Variants in IER2 observed in about 807,000 individuals in gnomAD.
The protein encoded by IER2 is immediate early response 2, also known as immediate early response gene 2 protein.
For synonymous variants in IER2, 198 were observed against 149.6 expected, an observed-to-expected ratio of 1.32 and a Z score of -2.36; for missense variants, 372 against 325.4, an observed-to-expected ratio of 1.14 and a Z score of -1.10.
In IER2 at chr19:13,150,919, G is replaced by T. The variant is rs2020047752; in HGVS notation, c.-244+367G>T. Among the ~76,000 whole-genome samples, 1 of 152,148 alleles carries T rather than the reference G, an allele frequency of 6.6e-6. No individual in the cohort carries two copies. Among genetic ancestry groups the T allele is most frequent in the Non-Finnish European group, 1.5e-5 (1 of 68,020 alleles). On this transcript the variant is annotated intron_variant, in intron 1 of 1. Transcript: ENST00000292433. This position sits in a 1 kb window ranked among gnomAD's most constrained non-coding sequence, Gnocchi z 4.0. ...GTCACCTTTGAGAAAGTGCGTGGAG[G>T]TGGGTTTCTTCAGAAGCGCGGAGTC...
rs1322072074 is a variant in IER2, at chr19:13,154,436, G to A, written c.*578G>A. ...CCTTGCGTGGGTGTGGGGCCTGGGAGGAGGTCCTGGGGCGTGCACCCGCCC... is the reference window on the plus strand; with the variant it reads ...CCTTGCGTGGGTGTGGGGCCTGGGAAGAGGTCCTGGGGCGTGCACCCGCCC... On this transcript the variant is annotated 3_prime_UTR_variant, in exon 2 of 2. Coordinates refer to ENST00000292433, the MANE Select transcript of IER2 (RefSeq NM_004907.3). 1 of 167,566 alleles carries A rather than the reference G, an allele frequency of 6.0e-6. No individual in the cohort carries two copies. Among genetic ancestry groups the A allele is most frequent in the Non-Finnish European group, 1.5e-5 (1 of 68,360 alleles). 10.4% of individuals were successfully genotyped at this position (167,566 alleles called of 1,614,324 possible).
At position 13,154,696 on chromosome 19, in the gene IER2, A is replaced by AG. The variant is rs1200582098; in HGVS notation, c.*842dup. 1 of 166,812 alleles carries AG rather than the reference A, an allele frequency of 6.0e-6. No homozygotes were observed. The highest frequency in any genetic ancestry group is 2.4e-5 in the African/African-American group (1 of 41,300). 10.3% of individuals were successfully genotyped at this position (166,812 alleles called of 1,614,324 possible). Reference sequence around the variant, plus strand: ...CCTGGTCTGAATCACGAGAATGTGGAGGGGTGGGGGGTGTCAGTGGAAAGG... The same window carrying AG: ...CCTGGTCTGAATCACGAGAATGTGGAGGGGGTGGGGGGTGTCAGTGGAAAGG... On this transcript the variant is annotated 3_prime_UTR_variant, in exon 2 of 2. Coordinates refer to ENST00000292433, the MANE Select transcript of IER2 (RefSeq NM_004907.3).
Position 13,153,303 on chromosome 19 carries a change from C to T in IER2, c.117C>T (p.Val39=). Residue 39 remains valine, a synonymous_variant, in exon 2 of 2, where the codon GTC becomes GTT. Transcript: ENST00000292433. ...RLHRSLQLSL[V]MRSARELYLS... ...ACCGGAGTCTGCAGCTGTCGCTGGT[C>T]ATGCGCAGCGCCCGGGAGCTCTACC... 6.2e-7 allele frequency: 1 copy of T among 1,604,618 alleles called. No homozygotes were observed. The highest frequency in any genetic ancestry group is 8.5e-7 in the Non-Finnish European group (1 of 1,176,170).
chr19:13,152,225 CA>C (rs1379769253), intron 1 of IER2: 1 of 152,218 alleles, frequency 6.6e-6, no homozygotes, highest in Non-Finnish European at 1.5e-5. Context: ...GGGCGGCAGC[CA>C]CGTGTTCACG....
chr19:13,153,376 G>T lies in IER2; in HGVS notation c.190G>T (p.Ala64Ser), dbSNP rs374941988. 8.2e-6 allele frequency: 13 copies of T among 1,588,400 alleles called. No individual in the cohort carries two copies. The highest frequency in any genetic ancestry group is 5.2e-5 in the Admixed American group (3 of 57,216). ...CGAGCCCGAGGTGTCGTTGCCGGCC[G>T]CCCTCCCCTCTGACCCTCGCCTGCA... ...ALEPEVSLPAALPSDPRLHPP... is the reference protein window; with the variant it reads ...ALEPEVSLPASLPSDPRLHPP... Residue 64 changes from alanine (A) to serine (S), a missense_variant, in exon 2 of 2, where the codon GCC (alanine) becomes TCC (serine). Physicochemically the swap from Ala to Ser is moderately conservative, Grantham distance 99. Transcript: ENST00000292433.
chr19:13,152,901 G>C (rs750453910), intron 1 of IER2, 43 bp from the exon 2 acceptor site: 18 of 249,746 alleles, frequency 7.2e-5, no homozygotes, highest in Admixed American at 1.1e-4. Context: ...CAGGGTTCCC[G>C]TCCCCTTTCC....
Position 13,154,612 on chromosome 19 carries a change from G to T in IER2, c.*754G>T, listed in dbSNP as rs2020107492. ...CATCTGCATTAGAGGTGCCCAGTAGGTTCCCAGGTTCCAGCGTGCCCCTCC... is the reference window on the plus strand; with the variant it reads ...CATCTGCATTAGAGGTGCCCAGTAGTTTCCCAGGTTCCAGCGTGCCCCTCC... On this transcript the variant is annotated 3_prime_UTR_variant, in exon 2 of 2. Transcript: ENST00000292433. The T allele has an allele frequency of 6.0e-6, 1 of 167,222 alleles. No homozygotes were observed. The highest frequency in any genetic ancestry group is 2.0e-4 in the South Asian group (1 of 4,884). 10.4% of individuals were successfully genotyped at this position (167,222 alleles called of 1,614,324 possible).
At position 13,153,336 on chromosome 19, in the gene IER2, C is replaced by G. The variant is rs770986500; in HGVS notation, c.150C>G (p.Ala50=). ...GCGCCCGGGAGCTCTACCTCTCGGC[C>G]AAGGTGGAGGCCCTCGAGCCCGAGG... The part of the protein sequence containing the change: ...MRSARELYLS[A]KVEALEPEVS... The change falls in exon 2 of 2, where the codon GCC becomes GCG. Residue 50 remains alanine, a synonymous_variant. Coordinates refer to ENST00000292433, the MANE Select transcript of IER2 (RefSeq NM_004907.3). 2.5e-6 allele frequency: 4 copies of G among 1,602,992 alleles called. No homozygotes were observed. Among genetic ancestry groups the G allele is most frequent in the East Asian group, 2.3e-5 (1 of 44,294 alleles).
At chr19:13,151,805 C>CA (rs1245560898) in intron 1 of IER2, among the ~76,000 whole-genome samples, 2 of 127,480 alleles carry the variant, frequency 1.6e-5, no homozygotes, top group Admixed American at 8.5e-5. Context: ...CTCCGCGCCC[C>CA]CCCCCCGGAA....
chr19:13,153,355 C>T lies in IER2; in HGVS notation c.169C>T (p.Pro57Ser). 1 of 1,596,590 alleles carries T rather than the reference C, an allele frequency of 6.3e-7. No homozygotes were observed. The highest frequency in any genetic ancestry group is 8.5e-7 in the Non-Finnish European group (1 of 1,172,854). ...CTCGGCCAAGGTGGAGGCCCTCGAG[C>T]CCGAGGTGTCGTTGCCGGCCGCCCT... is the stretch of plus-strand genomic sequence containing the variant. ...YLSAKVEALE[P>S]EVSLPAALPS... Residue 57 changes from proline (P) to serine (S), a missense_variant, in exon 2 of 2, where the codon CCC (proline) becomes TCC (serine). Transcript: ENST00000292433.
chr19:13,151,800 C>CG (rs2020064557), intron 1 of IER2, among the ~76,000 whole-genome samples: 1 of 39,708 alleles, frequency 2.5e-5, no homozygotes, highest in South Asian at 1.1e-3. Context: ...CGCCCCTCCG[C>CG]GCCCCCCCCC....
In IER2 at chr19:13,153,642, G is replaced by A; in HGVS notation, c.456G>A (p.Ala152=). Residue 152 remains alanine, a synonymous_variant, in exon 2 of 2, where the codon GCG becomes GCA. Coordinates refer to ENST00000292433, the MANE Select transcript of IER2 (RefSeq NM_004907.3). The part of the protein sequence containing the change: ...RLEEKEEEEG[A]SSEVADRLQP... ...AAGAAAAGGAAGAAGAGGAGGGAGCGTCATCCGAAGTCGCCGATCGCCTGC... is the reference window on the plus strand; with the variant it reads ...AAGAAAAGGAAGAAGAGGAGGGAGCATCATCCGAAGTCGCCGATCGCCTGC... 3 of 1,613,036 alleles carry A rather than the reference G, an allele frequency of 1.9e-6. No individual in the cohort carries two copies. Among genetic ancestry groups the A allele is most frequent in the South Asian group, 1.1e-5 (1 of 91,066 alleles).
Position 13,153,402 on chromosome 19 carries a change from C to G in IER2, c.216C>G (p.His72Gln), listed in dbSNP as rs942005396. The G allele has an allele frequency of 3.1e-6, 5 of 1,591,360 alleles. No individual in the cohort carries two copies. Among genetic ancestry groups the G allele is most frequent in the Non-Finnish European group, 4.3e-6 (5 of 1,171,812 alleles). The part of the protein sequence containing the change: ...PAALPSDPRL[H>Q]PPREAESTAE... The stretch of plus-strand genomic sequence containing the variant: ...CCCTCCCCTCTGACCCTCGCCTGCA[C>G]CCGCCCCGAGAAGCCGAGTCCACGG... Residue 72 changes from histidine to glutamine, a missense_variant, in exon 2 of 2, where the codon CAC (histidine) becomes CAG (glutamine). Physicochemically the swap from His to Gln is conservative, Grantham distance 24 (BLOSUM62 0). Coordinates refer to ENST00000292433, the MANE Select transcript of IER2 (RefSeq NM_004907.3).
At chr19:13,152,217 G>A (rs1391201918) in intron 1 of IER2, 12 of 152,238 alleles carry the variant, frequency 7.9e-5, no homozygotes, top group Non-Finnish European at 2.9e-5. Flanking sequence ...TGTTTGGGGG[G>A]CGGCAGCCAC....
Position 13,153,469 on chromosome 19 carries a change from C to A in IER2, c.283C>A (p.Pro95Thr). ...TPDGEHPFPE[P>T]MDTQEAPTAE... ...CGACGGTGAGCACCCGTTTCCGGAG[C>A]CAATGGACACGCAGGAGGCGCCGAC... The change falls in exon 2 of 2, where the codon CCA (proline) becomes ACA (threonine). Residue 95 changes from proline (P) to threonine (T), a missense_variant. Physicochemically the swap from Pro to Thr is conservative, Grantham distance 38 (BLOSUM62 -1). Coordinates refer to ENST00000292433, the MANE Select transcript of IER2 (RefSeq NM_004907.3). 1 of 1,594,200 alleles carries A rather than the reference C, an allele frequency of 6.3e-7. No individual in the cohort carries two copies. The highest frequency in any genetic ancestry group is 8.5e-7 in the Non-Finnish European group (1 of 1,171,734).
chr19:13,151,507 G>A (rs2020058141), intron 1 of IER2, among the ~76,000 whole-genome samples: 1 of 151,708 alleles, frequency 6.6e-6, no homozygotes, highest in African/African-American at 2.4e-5. Flanking sequence ...TAATTGGGAA[G>A]AGGAGAGATG....
In IER2 at chr19:13,153,462, T is replaced by A. The variant is rs1175842726; in HGVS notation, c.276T>A (p.Phe92Leu). 1 of 1,595,242 alleles carries A rather than the reference T, an allele frequency of 6.3e-7. No individual in the cohort carries two copies. Among genetic ancestry groups the A allele is most frequent in the African/African-American group, 1.3e-5 (1 of 74,384 alleles). Residue 92 changes from phenylalanine to leucine, a missense_variant, in exon 2 of 2, where the codon TTT (phenylalanine) becomes TTA (leucine). Phe to Leu is a conservative substitution (Grantham distance 22). Coordinates refer to ENST00000292433, the MANE Select transcript of IER2 (RefSeq NM_004907.3). ...CGACCCCCGACGGTGAGCACCCGTT[T>A]CCGGAGCCAATGGACACGCAGGAGG... Reference protein sequence around the residue: ...ETATPDGEHPFPEPMDTQEAP... With the variant: ...ETATPDGEHPLPEPMDTQEAP...
At chr19:13,152,799 C>T (rs967562427) in intron 1 of IER2, 145 bp from the exon 2 acceptor site, 46 of 158,476 alleles carry the variant, frequency 2.9e-4, no homozygotes, top group South Asian at 1.8e-4. Context: ...GGCCCCCCTC[C>T]CTTGGGCCAA....
At position 13,153,186 on chromosome 19, in the gene IER2, C is replaced by T. The variant is rs375676815; in HGVS notation, c.-1C>T. The T allele has an allele frequency of 2.9e-5, 43 of 1,506,582 alleles. No individual in the cohort carries two copies. The highest frequency in any genetic ancestry group is 3.5e-5 in the Non-Finnish European group (39 of 1,128,034). 93.3% of individuals were successfully genotyped at this position (1,506,582 alleles called of 1,614,324 possible). ...CCCGCCGCTGTCGCCGTCGAGTCGC[C>T]ATGGAAGTGCAGAAAGAGGCACAGC... On this transcript the variant is annotated 5_prime_UTR_variant, in exon 2 of 2. Coordinates refer to ENST00000292433, the MANE Select transcript of IER2 (RefSeq NM_004907.3).
Sources: gnomAD v4.1 joint callset for allele counts (sites outside exome capture counted in the v4.1 genomes callset) on GRCh38, gnomAD v4.1.1 for gene constraint, Gnocchi (gnomAD v3.1) non-coding constraint, MANE v1.5 for transcripts, NCBI Gene and HGNC (gene_info 2026-07-23, HGNC 2026-07-21) for gene names.